The following FBXW8 variants were observed in gnomAD, a reference collection of about 807,000 sequenced individuals.
FBXW8 encodes the protein F-box/WD repeat-containing protein 8.
Under a neutral mutation model 65.3 loss-of-function variants are expected in FBXW8, and 57 were observed. That is an observed-to-expected ratio of 0.87 (90% CI 0.71 to 1.09). The LOEUF is 1.09. Ranked by LOEUF, FBXW8 falls within the 50% of genes least tolerant of loss-of-function variation. The probability of loss-of-function intolerance (pLI) is 0.00; values close to 1 mark genes in which losing one functional copy is unlikely to be tolerated. For synonymous variants in FBXW8, 308 were observed against 330.2 expected (o/e 0.93, Z 0.73); for missense variants, 777 against 814.8 (o/e 0.95, Z 0.57).
At chr12:116,982,482 C>A (rs1885374235) in intron 5 of FBXW8, among the ~76,000 whole-genome samples, 1 of 152,126 alleles carries the variant, frequency 6.6e-6, no homozygotes, top group Admixed American at 6.5e-5. Context: ...AAGAACTGTG[C>A]ACGTGATATC....
chr12:116,990,906 C>G (rs1361557210), intron 7 of FBXW8, among the ~76,000 whole-genome samples: 1 of 152,158 alleles, frequency 6.6e-6, no homozygotes, highest in African/African-American at 2.4e-5. Context: ...TCCCAGCACT[C>G]TGGGAGGCCA....
Position 117,020,434 on chromosome 12 carries a change from C to T in FBXW8, c.1368-3713C>T, listed in dbSNP as rs574110387. ...CGGGAAACATCAGCTGTTAGCTGTC[C>T]GCACTCTGTTTTTCTCCTTCCGGAA... On this transcript the variant is annotated intron_variant, in intron 8 of 10. Transcript: ENST00000652555. 8.5e-5 allele frequency among the ~76,000 whole-genome samples: 13 copies of T among 152,274 alleles called. No homozygotes were observed. The East Asian group carries it at 1.5e-3, about 18-fold the overall frequency.
At chr12:116,957,069 C>A (rs866660528) in intron 4 of FBXW8, among the ~76,000 whole-genome samples, 2 of 151,460 alleles carry the variant, frequency 1.3e-5, no homozygotes, top group Non-Finnish European at 2.9e-5. Flanking sequence ...TTGTTATTAG[C>A]CGGGCACAGT....
chr12:116,927,074 C>T (rs762071426), intron 1 of FBXW8, among the ~76,000 whole-genome samples: 14 of 152,114 alleles, frequency 9.2e-5, no homozygotes, highest in Non-Finnish European at 1.8e-4. Flanking sequence ...TTTTATTAAG[C>T]GAGTGCTGTT....
chr12:116,944,399 C>G (rs1001832454), intron 2 of FBXW8, among the ~76,000 whole-genome samples: 2 of 152,142 alleles, frequency 1.3e-5, no homozygotes, highest in Admixed American at 1.3e-4. Flanking sequence ...CCTACTTTCT[C>G]TCATTTTCCT....
intron 7 of FBXW8, chr12:117,003,226 G>GGGTA (rs1953582167): frequency 6.6e-6 from 1 of 152,192 alleles, no homozygotes; most frequent in Non-Finnish European, 1.5e-5. Context: ...CGCCTGTAAG[G>GGGTA]GGTAGATACA....
At chr12:117,014,007 A>G (rs1953889112) in intron 8 of FBXW8, among the ~76,000 whole-genome samples, 1 of 152,116 alleles carries the variant, frequency 6.6e-6, no homozygotes, top group African/African-American at 2.4e-5. Flanking sequence ...TATTTCCTCA[A>G]ATAGTTTTTC....
At chr12:117,003,471 C>T (rs1039138889) in intron 7 of FBXW8, among the ~76,000 whole-genome samples, 1 of 133,456 alleles carries the variant, frequency 7.5e-6, no homozygotes, top group African/African-American at 4.0e-5. Flanking sequence ...ATGTATTTAA[C>T]CCCCAAATCA....
At chr12:116,986,969 C>G (rs1343391629) in intron 6 of FBXW8, 3 of 152,202 alleles carry the variant, frequency 2.0e-5, no homozygotes, top group Non-Finnish European at 4.4e-5. Context: ...GGGTTTTATG[C>G]ACGTTTTAGG....
intron 1 of FBXW8, among the ~76,000 whole-genome samples, chr12:116,912,157 CTTTTTTTTTTCCTG>C (rs1426187471): frequency 7.3e-6 from 1 of 137,706 alleles, no homozygotes; most frequent in Non-Finnish European, 1.5e-5. Context: ...TGGGAACCCA[CTTTTTTTTTTCCTG>C]TTTTTTTTTT....
intron 8 of FBXW8, among the ~76,000 whole-genome samples, chr12:117,020,917 C>A (rs1252530168): frequency 1.3e-5 from 2 of 152,230 alleles, no homozygotes; most frequent in South Asian, 2.1e-4. Flanking sequence ...GAAACAGAAG[C>A]CTCTTTTGCA....
At chr12:117,016,356 C>T (rs1953945613) in intron 8 of FBXW8, among the ~76,000 whole-genome samples, 1 of 152,216 alleles carries the variant, frequency 6.6e-6, no homozygotes, top group Admixed American at 6.5e-5. Context: ...ATTTGCATTT[C>T]TCTGACAGCC....
intron 5 of FBXW8, among the ~76,000 whole-genome samples, chr12:116,983,745 G>A (rs374180807): frequency 2.6e-5 from 4 of 152,330 alleles, no homozygotes; most frequent in Admixed American, 2.0e-4. Context: ...AGGGGAATTA[G>A]CATTGATAGA....
intron 8 of FBXW8, among the ~76,000 whole-genome samples, chr12:117,019,431 G>C (rs1280892496): frequency 6.6e-6 from 1 of 152,136 alleles, no homozygotes; most frequent in East Asian, 1.9e-4. Flanking sequence ...GGTTGTCTTG[G>C]CATATTCTGG....
In FBXW8 at chr12:116,969,451, G is replaced by A. The variant is rs147623777; in HGVS notation, c.835+4597G>A. On this transcript the variant is annotated intron_variant, in intron 5 of 10. Coordinates refer to ENST00000652555, the MANE Select transcript of FBXW8 (RefSeq NM_153348.3). ...CTATGATATTTACACTAACATTTTC[G>A]TGAATAGCTACTTTTGGGCAAAGAC... is the stretch of plus-strand genomic sequence containing the variant. Among the ~76,000 whole-genome samples the A allele has an allele frequency of 3.1e-3, 476 of 152,172 alleles. 1 individual carries two copies. The highest frequency in any genetic ancestry group is 9.9e-3 in the African/African-American group (413 of 41,520).
intron 1 of FBXW8, among the ~76,000 whole-genome samples, chr12:116,915,737 T>C (rs59373313): frequency 0.07 from 10,370 of 147,714 alleles, 946 homozygotes; most frequent in African/African-American, 0.22. Flanking sequence ...ACTGCAACCC[T>C]GACTTCCCGG....
chr12:117,024,182 C>T lies in FBXW8; in HGVS notation c.1403C>T (p.Ala468Val), dbSNP rs775236710. The T allele has an allele frequency of 6.2e-7, 1 of 1,614,186 alleles. No homozygotes were observed. Among genetic ancestry groups the T allele is most frequent in the East Asian group, 2.2e-5 (1 of 44,884 alleles). Residue 468 changes from alanine (A) to valine (V), a missense_variant, in exon 9 of 11, where the codon GCC becomes GTC. Ala to Val is a moderately conservative substitution (Grantham distance 64). Transcript: ENST00000652555. ...CACGACCTCCGCAGTGGTAACATCG[C>T]CCTGTCGCTCTCCGCCCATCAGCTC... ...RIHDLRSGNI[A>V]LSLSAHQLRV...
intron 4 of FBXW8, among the ~76,000 whole-genome samples, chr12:116,951,741 T>C (rs1883300045): frequency 6.6e-6 from 1 of 152,210 alleles, no homozygotes; most frequent in East Asian, 1.9e-4. Context: ...CCCAGACTGA[T>C]ATTTATTGCA....
chr12:117,007,047 C>T (rs1212341218), intron 7 of FBXW8, among the ~76,000 whole-genome samples: 3 of 152,130 alleles, frequency 2.0e-5, no homozygotes, highest in African/African-American at 7.2e-5. Flanking sequence ...ATATATCAAA[C>T]TGTTAAAAGT....
Sources: gnomAD v4.1 joint callset for allele counts (sites outside exome capture counted in the v4.1 genomes callset) on GRCh38, gnomAD v4.1.1 for gene constraint, MANE v1.5 for transcripts, NCBI Gene and HGNC (gene_info 2026-07-23, HGNC 2026-07-21) for gene names.